Variants in ARHGAP22 observed in about 807,000 individuals in gnomAD.
ARHGAP22 encodes the protein Rho GTPase activating protein 22, also known as rho GTPase-activating protein 22.
A neutral mutation model predicts 59.1 loss-of-function variants in ARHGAP22; 48 were observed. The ratio of observed to expected loss-of-function variants is 0.81; its 90% CI spans 0.64 to 1.03. The LOEUF (loss-of-function observed/expected upper bound fraction) is 1.03, where lower values mean the gene tolerates loss of function less well. ARHGAP22 is among the 50% of genes least tolerant of loss of function. ARHGAP22 has a pLI of 0.00. For missense variants in ARHGAP22, 1,015 were observed against 958.7 expected, an observed-to-expected ratio of 1.06 and a Z score of -0.78; for synonymous variants, 445 against 416.4, an observed-to-expected ratio of 1.07 and a Z score of -0.84.
At chr10:48,537,176 A>G (rs1049025034) in intron 3 of ARHGAP22, among the ~76,000 whole-genome samples, 2 of 152,240 alleles carry the variant, frequency 1.3e-5, no homozygotes, top group African/African-American at 4.8e-5. Flanking sequence ...TCTGGTTTCC[A>G]CATTCCTTCA....
At chr10:48,610,218 G>C (rs1463840631) in intron 1 of ARHGAP22, among the ~76,000 whole-genome samples, 2 of 152,226 alleles carry the variant, frequency 1.3e-5, no homozygotes, top group Non-Finnish European at 2.9e-5. Flanking sequence ...CAGGACCCCA[G>C]AAGGGGTCTA....
chr10:48,613,053 CT>C (rs1009882533), intron 1 of ARHGAP22, among the ~76,000 whole-genome samples: 2 of 151,998 alleles, frequency 1.3e-5, no homozygotes, highest in Admixed American at 1.3e-4. Flanking sequence ...TTCTCCCAAC[CT>C]TTTTTTTGTC....
chr10:48,457,217 C>T (rs2046624424), intron 5 of ARHGAP22, among the ~76,000 whole-genome samples: 1 of 152,118 alleles, frequency 6.6e-6, no homozygotes, highest in Non-Finnish European at 1.5e-5. Context: ...CACGCCATGC[C>T]TCCAGCCTGG....
At chr10:48,645,816 G>A (rs1379916655) in intron 1 of ARHGAP22, among the ~76,000 whole-genome samples, 1 of 152,028 alleles carries the variant, frequency 6.6e-6, no homozygotes, top group African/African-American at 2.4e-5. Context: ...TAGACAGTGA[G>A]AGACAAAGGG....
chr10:48,495,802 T>C (rs1373730129), intron 3 of ARHGAP22, among the ~76,000 whole-genome samples: 1 of 152,270 alleles, frequency 6.6e-6, no homozygotes, highest in Non-Finnish European at 1.5e-5. Flanking sequence ...CCCTCGCTTG[T>C]TCTCTGGCTT....
Position 48,450,540 on chromosome 10 carries a change from G to A in ARHGAP22, c.1589C>T (p.Thr530Met), listed in dbSNP as rs536391816. The A allele has an allele frequency of 3.5e-5, 53 of 1,519,600 alleles. No homozygotes were observed. The highest frequency in any genetic ancestry group is 2.5e-4 in the African/African-American group (18 of 72,848). 94.1% of individuals were successfully genotyped at this position (1,519,600 alleles called of 1,614,324 possible). ...SSVGGSLSSC[T>M]ACRASDSSAR... ...AGACGAGTCGCTGGCGCGGCAGGCC[G>A]TGCAGCTGCTGAGTGAGCCCCCCAC... The change falls in exon 9 of 10, where the codon ACG (threonine) becomes ATG (methionine). Residue 530 changes from threonine to methionine, a missense_variant. By Grantham distance (81) the Thr-to-Met change is moderately conservative. Coordinates refer to ENST00000249601, the MANE Select transcript of ARHGAP22 (RefSeq NM_021226.4).
chr10:48,626,184 CA>C (rs1446595959), intron 1 of ARHGAP22, among the ~76,000 whole-genome samples: 1 of 152,176 alleles, frequency 6.6e-6, no homozygotes, highest in Non-Finnish European at 1.5e-5. Context: ...ACCCCTAAAT[CA>C]GAGCCAATTA....
intron 3 of ARHGAP22, among the ~76,000 whole-genome samples, chr10:48,531,102 C>T (rs12779617): frequency 0.69 from 105,225 of 152,174 alleles, 37,694 homozygotes; most frequent in Middle Eastern, 0.79. Context: ...CAAAAAGGAA[C>T]GAAATAATGG....
At chr10:48,646,104 T>C (rs941933231) in intron 1 of ARHGAP22, among the ~76,000 whole-genome samples, 1 of 152,142 alleles carries the variant, frequency 6.6e-6, no homozygotes, top group Non-Finnish European at 1.5e-5. Context: ...TTCACAATAA[T>C]ATCAAAAAGA....
chr10:48,486,491 C>T (rs1291168430), intron 3 of ARHGAP22, among the ~76,000 whole-genome samples: 3 of 152,072 alleles, frequency 2.0e-5, no homozygotes, highest in African/African-American at 7.2e-5. Context: ...CAGGCACGCA[C>T]ACCACGCCAG....
intron 1 of ARHGAP22, among the ~76,000 whole-genome samples, chr10:48,626,920 T>G (rs967021279): frequency 1.3e-5 from 2 of 152,164 alleles, no homozygotes; most frequent in African/African-American, 4.8e-5. Context: ...GTTACAAGTT[T>G]CAGCCCTATC....
chr10:48,565,624 C>T (rs1278540625), intron 2 of ARHGAP22, among the ~76,000 whole-genome samples: 1 of 152,110 alleles, frequency 6.6e-6, no homozygotes, highest in Non-Finnish European at 1.5e-5. Flanking sequence ...GTGACATTGC[C>T]GCTTAGGTAG....
At chr10:48,589,067 G>T (rs1201405259) in intron 1 of ARHGAP22, among the ~76,000 whole-genome samples, 4 of 152,136 alleles carry the variant, frequency 2.6e-5, no homozygotes, top group African/African-American at 9.7e-5. Flanking sequence ...CTTGCTGACA[G>T]GCACATCTTG....
chr10:48,651,666 C>A (rs1195658097), intron 1 of ARHGAP22, among the ~76,000 whole-genome samples: 1 of 152,136 alleles, frequency 6.6e-6, no homozygotes, highest in South Asian at 2.1e-4. Flanking sequence ...GCCCACCCAG[C>A]GAGCACCTGC....
chr10:48,610,770 G>T (rs1486386259), intron 1 of ARHGAP22, among the ~76,000 whole-genome samples: 1 of 152,204 alleles, frequency 6.6e-6, no homozygotes, highest in Non-Finnish European at 1.5e-5. Flanking sequence ...GGAGGGGTCT[G>T]GGTTTGGGCA....
At chr10:48,569,024 C>T (rs1417503632) in intron 2 of ARHGAP22, among the ~76,000 whole-genome samples, 3 of 152,206 alleles carry the variant, frequency 2.0e-5, no homozygotes, top group Non-Finnish European at 4.4e-5. Flanking sequence ...ACCTTTGGGA[C>T]ATGTTGATGC....
chr10:48,521,065 G>A (rs1309918391), intron 3 of ARHGAP22, among the ~76,000 whole-genome samples: 2 of 152,144 alleles, frequency 1.3e-5, no homozygotes, highest in Non-Finnish European at 2.9e-5. Context: ...TACCCTCGGA[G>A]TTCAGACAAG....
intron 3 of ARHGAP22, among the ~76,000 whole-genome samples, chr10:48,492,443 C>T (rs940795854): frequency 1.3e-5 from 2 of 152,100 alleles, no homozygotes; most frequent in African/African-American, 4.8e-5. Flanking sequence ...CAGTGTGATC[C>T]AACAGAGATA....
At chr10:48,524,016 C>A in intron 3 of ARHGAP22, 1 of 1,452,466 alleles carries the variant, frequency 6.9e-7, no homozygotes, top group South Asian at 1.3e-5. Context: ...CTGGCGGCGG[C>A]CGCAGGGAGC....
Sources: gnomAD v4.1 joint callset for allele counts (sites outside exome capture counted in the v4.1 genomes callset) on GRCh38, gnomAD v4.1.1 for gene constraint, MANE v1.5 for transcripts, NCBI Gene and HGNC (gene_info 2026-07-23, HGNC 2026-07-21) for gene names.